Variants in TRIM55 observed in about 807,000 individuals in gnomAD.
TRIM55 encodes the protein tripartite motif-containing protein 55.
A neutral mutation model predicts 60.9 loss-of-function variants in TRIM55; 50 were observed. That is an observed-to-expected ratio of 0.82 (90% confidence interval 0.65 to 1.04). TRIM55 has a LOEUF of 1.04. Ranked by LOEUF, TRIM55 falls within the 50% of genes least tolerant of loss-of-function variation. TRIM55 has a pLI of 0.00. For synonymous variants in TRIM55, 237 were observed against 238.1 expected, an observed-to-expected ratio of 1.00 and a Z score of 0.04; for missense variants, 681 against 666.9, an observed-to-expected ratio of 1.02 and a Z score of -0.23.
At chr8:66,130,658 TC>T (rs1809095671) in intron 2 of TRIM55, among the ~76,000 whole-genome samples, 2 of 133,652 alleles carry the variant, frequency 1.5e-5, no homozygotes, top group Non-Finnish European at 3.1e-5. Context: ...AACCTAGCAT[TC>T]TTTTTTTTTT....
chr8:66,146,367 C>CA (rs887409179), intron 4 of TRIM55, among the ~76,000 whole-genome samples: 1 of 151,320 alleles, frequency 6.6e-6, no homozygotes, highest in Non-Finnish European at 1.5e-5. Flanking sequence ...TTTAAACTGC[C>CA]AAAAAAAATT....
At chr8:66,155,757 T>G in intron 9 of TRIM55, 1 of 1,273,878 alleles carries the variant, frequency 7.9e-7, no homozygotes, top group South Asian at 1.3e-5. Flanking sequence ...ACATAGTTTC[T>G]TCCATAATGT....
intron 2 of TRIM55, among the ~76,000 whole-genome samples, chr8:66,132,718 C>T (rs1809235012): frequency 6.6e-6 from 1 of 152,148 alleles, no homozygotes; most frequent in African/African-American, 2.4e-5. Context: ...AAATCGGTCC[C>T]AAGTCAGTTA....
At chr8:66,136,945 A>G (rs1809510968) in intron 3 of TRIM55, 150 bp from the exon 4 acceptor site, 1 of 545,058 alleles carries the variant, frequency 1.8e-6, no homozygotes, top group Non-Finnish European at 3.2e-6. Context: ...TTTGCTTGCA[A>G]TATCAGAAGG....
At chr8:66,153,183 T>C (rs1344123002) in intron 8 of TRIM55, among the ~76,000 whole-genome samples, 2 of 152,212 alleles carry the variant, frequency 1.3e-5, no homozygotes, top group African/African-American at 2.4e-5. Context: ...ATACAACTTA[T>C]GTATTTTTCC....
intron 4 of TRIM55, among the ~76,000 whole-genome samples, chr8:66,148,006 A>G (rs1020589603): frequency 6.6e-6 from 1 of 152,186 alleles, no homozygotes; most frequent in South Asian, 2.1e-4. Flanking sequence ...TATGTAATAA[A>G]GGGTATAGAA....
intron 9 of TRIM55, among the ~76,000 whole-genome samples, chr8:66,166,450 T>A (rs1811334865): frequency 6.6e-6 from 1 of 152,202 alleles, no homozygotes; most frequent in Admixed American, 6.5e-5. Flanking sequence ...TCCTGTGGGA[T>A]TTTTTCTGTC....
chr8:66,146,101 G>T (rs60080657), intron 4 of TRIM55, among the ~76,000 whole-genome samples: 1 of 152,178 alleles, frequency 6.6e-6, no homozygotes, highest in South Asian at 2.1e-4. Flanking sequence ...TAAGGAATTT[G>T]TACCTAAATT....
chr8:66,121,966 C>T (rs1325672908), upstream of TRIM55, among the ~76,000 whole-genome samples: 4 of 152,132 alleles, frequency 2.6e-5, no homozygotes, highest in Admixed American at 6.5e-5. Flanking sequence ...CTCCTGGACC[C>T]TGTGAATGAT....
chr8:66,149,515 A>G (rs968603564), intron 4 of TRIM55, 130 bp from the exon 5 acceptor site: 2 of 701,908 alleles, frequency 2.8e-6, no homozygotes, highest in Non-Finnish European at 4.8e-6. Context: ...ATACCTAAAT[A>G]GACATCTTCA....
At chr8:66,148,791 G>A (rs1206421720) in intron 4 of TRIM55, among the ~76,000 whole-genome samples, 3 of 152,206 alleles carry the variant, frequency 2.0e-5, no homozygotes, top group Non-Finnish European at 4.4e-5. Flanking sequence ...GCTCACGCCT[G>A]TAATCCCAGC....
At chr8:66,116,159 G>GAT in the TRIM55 span, among the ~76,000 whole-genome samples, 1 of 151,888 alleles carries the variant, frequency 6.6e-6, no homozygotes, top group Non-Finnish European at 1.5e-5. Flanking sequence ...ATGATGGTTA[G>GAT]ATATATTATG....
chr8:66,149,863 G>T lies in TRIM55; in HGVS notation c.822G>T (p.Met274Ile). 6.2e-7 allele frequency: 1 copy of T among 1,613,636 alleles called. No homozygotes were observed. Among genetic ancestry groups the T allele is most frequent in the Non-Finnish European group, 8.5e-7 (1 of 1,179,570 alleles). The change falls in exon 5 of 10, where the codon ATG becomes ATT. Residue 274 changes from methionine to isoleucine, a missense_variant. Transcript: ENST00000315962. ...TTCAGTTTATGGATGAGCCAGAAAT[G>T]GCAGTGTTTCTGCAGGTAAGTCTCT... The part of the protein sequence containing the change: ...SGIQFMDEPE[M>I]AVFLQNAKTL...
At chr8:66,169,949 A>C (rs1345517962) in intron 9 of TRIM55, among the ~76,000 whole-genome samples, 1 of 151,658 alleles carries the variant, frequency 6.6e-6, no homozygotes, top group Non-Finnish European at 1.5e-5. Flanking sequence ...CATCTTAACC[A>C]CTCCCATTAC....
intron 4 of TRIM55, among the ~76,000 whole-genome samples, chr8:66,142,022 C>T (rs117296921): frequency 3.3e-4 from 51 of 152,328 alleles, no homozygotes; most frequent in Non-Finnish European, 5.9e-4. Flanking sequence ...CTTAATTACA[C>T]GACACTGGGC....
intron 9 of TRIM55, among the ~76,000 whole-genome samples, chr8:66,172,196 C>A (rs1208304870): frequency 1.3e-5 from 2 of 152,130 alleles, no homozygotes; most frequent in Non-Finnish European, 2.9e-5. Context: ...AGGTTCTCAT[C>A]TCTATTTTAC....
intron 7 of TRIM55, 28 bp from the exon 8 acceptor site, chr8:66,152,349 C>A: frequency 6.5e-7 from 1 of 1,546,332 alleles, no homozygotes; most frequent in Admixed American, 2.0e-5. Flanking sequence ...ATAGTTATAA[C>A]AATTTACAAG....
chr8:66,174,767 A>G lies in TRIM55; in HGVS notation c.*174A>G. ...GACTTATCTAACATCTTGGGGGGAA[A>G]GAATATTTTGAGAAAATAGTTGCAG... On this transcript the variant is annotated 3_prime_UTR_variant, in exon 10 of 10. Transcript: ENST00000315962. The G allele has an allele frequency of 3.8e-6, 2 of 520,852 alleles. No individual in the cohort carries two copies. The highest frequency in any genetic ancestry group is 4.0e-5 in the African/African-American group (2 of 49,584). The allele number at this position is 520,852 out of a possible 1,614,324, so 32.3% of individuals were successfully genotyped here.
upstream of TRIM55, among the ~76,000 whole-genome samples, chr8:66,125,433 T>C (rs1322027228): frequency 6.6e-6 from 1 of 152,264 alleles, no homozygotes; most frequent in South Asian, 2.1e-4. Context: ...TTTGAAGGAA[T>C]GAATTCCTTC....
Sources: allele counts gnomAD v4.1 joint callset (sites outside exome capture counted in the v4.1 genomes callset), GRCh38; gene constraint gnomAD v4.1.1; transcripts MANE v1.5; gene names NCBI Gene and HGNC (gene_info 2026-07-23, HGNC 2026-07-21).